The following VIM variants were observed in gnomAD, a reference collection of about 807,000 sequenced individuals.
VIM encodes the protein epididymis secretory sperm binding protein.
In VIM, 18 loss-of-function variants were observed where a neutral mutation model predicts 50.3. The ratio of observed to expected loss-of-function variants is 0.36; its 90% CI spans 0.25 to 0.53. The LOEUF is 0.53. Ranked by LOEUF, VIM falls within the 20% of genes least tolerant of loss-of-function variation. The pLI, the probability that VIM is intolerant of heterozygous loss-of-function variation, is 0.91. For synonymous variants in VIM, 245 were observed against 248.5 expected (o/e 0.99, Z 0.13); for missense variants, 551 against 614.7 (o/e 0.90, Z 1.10).
intron 2 of VIM, 106 bp downstream of exon 2, chr10:17,230,091 C>A: frequency 7.3e-7 from 1 of 1,376,980 alleles, no homozygotes; most frequent in South Asian, 1.4e-5. Flanking sequence ...GGGGATGTGG[C>A]CGGGGGGAGG....
chr10:17,235,418 C>CTAA, intron 7 of VIM, 29 bp downstream of exon 7: 1 of 1,609,450 alleles, frequency 6.2e-7, no homozygotes, highest in Non-Finnish European at 8.5e-7. Context: ...GATGCGTGAA[C>CTAA]TAATGGTGAC....
chr10:17,229,391 C>T lies in VIM; in HGVS notation c.-32C>T, dbSNP rs748278063. 25 of 1,574,268 alleles carry T rather than the reference C, an allele frequency of 1.6e-5. No individual in the cohort carries two copies. The highest frequency in any genetic ancestry group is 1.6e-5 in the Non-Finnish European group (19 of 1,166,566). ...TCCGGGAGCCAGTCCGCGCCACCGC[C>T]GCCGCCCAGGCCATCGCCACCCTCC... is the stretch of plus-strand genomic sequence containing the variant. On this transcript the variant is annotated 5_prime_UTR_variant, in exon 2 of 10. Coordinates refer to ENST00000544301, the MANE Select transcript of VIM (RefSeq NM_003380.5).
Position 17,229,401 on chromosome 10 carries a change from G to A in VIM, c.-22G>A, listed in dbSNP as rs3758410. 1 of 1,587,462 alleles carries A rather than the reference G, an allele frequency of 6.3e-7. No individual in the cohort carries two copies. Among genetic ancestry groups the A allele is most frequent in the African/African-American group, 1.3e-5 (1 of 74,106 alleles). ...AGTCCGCGCCACCGCCGCCGCCCAG[G>A]CCATCGCCACCCTCCGCAGCCATGT... On this transcript the variant is annotated 5_prime_UTR_variant, in exon 2 of 10. Transcript: ENST00000544301.
At chr10:17,236,965 T>C (rs1846900886) in intron 9 of VIM, among the ~76,000 whole-genome samples, 1 of 152,204 alleles carries the variant, frequency 6.6e-6, no homozygotes, top group Non-Finnish European at 1.5e-5. Context: ...GTACAACTAT[T>C]ATACCATCTT....
intron 5 of VIM, 83 bp from the exon 6 acceptor site, chr10:17,234,610 A>G: frequency 1.9e-6 from 3 of 1,588,238 alleles, no homozygotes; most frequent in Non-Finnish European, 2.6e-6. Flanking sequence ...GAAGACATTC[A>G]GTGAGAAATA....
intron 4 of VIM, 38 bp from the exon 5 acceptor site, chr10:17,233,732 G>A (rs111233269): frequency 4.1e-5 from 66 of 1,614,080 alleles, no homozygotes; most frequent in Non-Finnish European, 5.6e-5. Flanking sequence ...CAGCCCCCAC[G>A]GTTGGCAGAG....
At position 17,233,307 on chromosome 10, in the gene VIM, G is replaced by A. The variant is rs954519699; in HGVS notation, c.625-280G>A. 22 of 420,810 alleles carry A rather than the reference G, an allele frequency of 5.2e-5. No homozygotes were observed. The Middle Eastern group carries it at 2.2e-3, about 42-fold the overall frequency. 26.1% of individuals were successfully genotyped at this position (420,810 alleles called of 1,614,324 possible). On this transcript the variant is annotated intron_variant, in intron 3 of 9. Coordinates refer to ENST00000544301, the MANE Select transcript of VIM (RefSeq NM_003380.5). Reference sequence around the variant, plus strand: ...GTGGATTCAGTCATGATTGAGTGCAGTTTACCATGTGTGTGGACATTTATT... The same window carrying A: ...GTGGATTCAGTCATGATTGAGTGCAATTTACCATGTGTGTGGACATTTATT...
chr10:17,230,518 C>T, intron 2 of VIM, 132 bp from the exon 3 acceptor site: 2 of 1,030,952 alleles, frequency 1.9e-6, no homozygotes, highest in East Asian at 2.4e-5. Flanking sequence ...GGTCTGAAAG[C>T]TGCAGGCGCT....
chr10:17,229,233 T>G, intron 1 of VIM, 43 bp from the exon 2 acceptor site: 1 of 418,246 alleles, frequency 2.4e-6, no homozygotes, highest in Non-Finnish European at 4.2e-6. Context: ...GGGACCCTCT[T>G]TCCTAACGGG....
intron 9 of VIM, among the ~76,000 whole-genome samples, 171 bp from the exon 10 acceptor site, chr10:17,237,059 G>T (rs1441324184): frequency 6.6e-6 from 1 of 152,128 alleles, no homozygotes; most frequent in South Asian, 2.1e-4. Context: ...GTGGAAGAGG[G>T]TCTTGTGTGT....
intron 3 of VIM, among the ~76,000 whole-genome samples, chr10:17,231,407 T>C (rs1045121090): frequency 2.6e-5 from 4 of 152,118 alleles, no homozygotes; most frequent in Non-Finnish European, 4.4e-5. Context: ...ATGGTTTCTA[T>C]GGGCTTCACT....
chr10:17,230,221 G>A, intron 2 of VIM: 2 of 604,594 alleles, frequency 3.3e-6, no homozygotes, highest in Non-Finnish European at 5.8e-6. Flanking sequence ...AGGACGCTCC[G>A]TTTCAAGTTA....
intron 5 of VIM, 49 bp from the exon 6 acceptor site, chr10:17,234,644 C>T (rs781000777): frequency 1.2e-6 from 2 of 1,610,602 alleles, no homozygotes; most frequent in Non-Finnish European, 1.7e-6. Context: ...CTAAGAGAGT[C>T]AAAAGACTTG....
chr10:17,230,536 C>G (rs1324775674), intron 2 of VIM, 114 bp from the exon 3 acceptor site: 1 of 1,207,194 alleles, frequency 8.3e-7, no homozygotes, highest in Non-Finnish European at 1.2e-6. Flanking sequence ...GCTAGTTGCG[C>G]GGAGGTGGCG....
At chr10:17,233,538 C>G in intron 3 of VIM, 49 bp from the exon 4 acceptor site, 1 of 1,560,598 alleles carries the variant, frequency 6.4e-7, no homozygotes, top group Non-Finnish European at 8.8e-7. Flanking sequence ...TGAGATAAGC[C>G]ATACACTTTT....
At position 17,236,172 on chromosome 10, in the gene VIM, C is replaced by T. The variant is rs165531; in HGVS notation, c.1274-122C>T. The T allele has an allele frequency of 4.6e-6, 4 of 871,692 alleles. No individual in the cohort carries two copies. Among genetic ancestry groups the T allele is most frequent in the South Asian group, 1.3e-5 (1 of 74,118 alleles). The allele number at this position is 871,692 out of a possible 1,614,324, so 54.0% of individuals were successfully genotyped here. ...CAGAGACTACCCTAAAATTATTTGG[C>T]GAGTAGTACTTTACACAATTGCCTC... On this transcript the variant is annotated intron_variant, in intron 8 of 9. Transcript: ENST00000544301.
chr10:17,229,350 C>T lies in VIM; in HGVS notation c.-73C>T, dbSNP rs1365033399. ...CTCCCACCACCCACACCCACCGCGC[C>T]CTCGTTCGCCTCTTCTCCGGGAGCC... On this transcript the variant is annotated 5_prime_UTR_variant, in exon 2 of 10. Transcript: ENST00000544301. 3 of 1,488,888 alleles carry T rather than the reference C, an allele frequency of 2.0e-6. No homozygotes were observed. Among genetic ancestry groups the T allele is most frequent in the African/African-American group, 2.8e-5 (2 of 71,766 alleles). 92.2% of individuals were successfully genotyped at this position (1,488,888 alleles called of 1,614,324 possible).
At chr10:17,230,071 C>T in intron 2 of VIM, 86 bp downstream of exon 2, 3 of 1,470,484 alleles carry the variant, frequency 2.0e-6, no homozygotes, top group Non-Finnish European at 1.8e-6. Context: ...GCGAGAGCTG[C>T]CACGCCCTTG....
In VIM at chr10:17,235,316, C is replaced by G. The variant is rs752126893; in HGVS notation, c.1156C>G (p.Leu386Val). ...MARHLREYQD[L>V]LNVKMALDIE... ...TCGTCACCTTCGTGAATACCAAGAC[C>G]TGCTCAATGTTAAGATGGCCCTTGA... Residue 386 changes from leucine to valine, a missense_variant, in exon 7 of 10, where the codon CTG becomes GTG. By Grantham distance (32) the Leu-to-Val change is conservative. This residue lies in a region of VIM where 394 missense variants were observed against 437.5 expected (regional missense o/e 0.90). Transcript: ENST00000544301. The G allele has an allele frequency of 6.2e-7, 1 of 1,614,212 alleles. No individual in the cohort carries two copies. The highest frequency in any genetic ancestry group is 1.1e-5 in the South Asian group (1 of 91,082).
Sources: allele counts gnomAD v4.1 joint callset (sites outside exome capture counted in the v4.1 genomes callset), GRCh38; gene constraint gnomAD v4.1.1; regional missense constraint gnomAD v4.1.1; transcripts MANE v1.5; gene names NCBI Gene and HGNC (gene_info 2026-07-23, HGNC 2026-07-21).